KSR2: variants seen among roughly 807,000 people sequenced by gnomAD.
KSR2 encodes kinase suppressor of ras 2.
Under a neutral mutation model 107.8 loss-of-function variants are expected in KSR2, and 25 were observed. The observed-to-expected ratio is 0.23, with a 90% CI of 0.17 to 0.32. The LOEUF (loss-of-function observed/expected upper bound fraction) is 0.32, where lower values mean the gene tolerates loss of function less well. Ranked by LOEUF, KSR2 falls within the 10% of genes least tolerant of loss-of-function variation. The probability of loss-of-function intolerance (pLI) is 1.00; values close to 1 mark genes in which losing one functional copy is unlikely to be tolerated. For synonymous variants in KSR2, 480 were observed against 507.0 expected (o/e 0.95, Z 0.71); for missense variants, 887 against 1,268.9 (o/e 0.70, Z 4.57).
chr12:117,691,326 T>C (rs1446951070), intron 4 of KSR2, among the ~76,000 whole-genome samples: 2 of 152,184 alleles, frequency 1.3e-5, no homozygotes, highest in Non-Finnish European at 2.9e-5. Context: ...CCCAGTGTCT[T>C]ACTGCTGCAA....
chr12:117,643,303 C>T (rs1388587101), intron 5 of KSR2, among the ~76,000 whole-genome samples: 4 of 151,998 alleles, frequency 2.6e-5, no homozygotes, highest in Middle Eastern at 6.3e-3. Flanking sequence ...AAAAATTAGC[C>T]GGGCATGGTG....
At chr12:117,566,746 T>C (rs577962564) in intron 7 of KSR2, among the ~76,000 whole-genome samples, 1 of 152,298 alleles carries the variant, frequency 6.6e-6, no homozygotes, top group Non-Finnish European at 1.5e-5. Flanking sequence ...TGCTAGGCAC[T>C]GGAGGTATAA....
chr12:117,799,418 C>A (rs1453363662), intron 3 of KSR2, among the ~76,000 whole-genome samples: 1 of 151,548 alleles, frequency 6.6e-6, no homozygotes, highest in Non-Finnish European at 1.5e-5. Flanking sequence ...TGGAGAATAG[C>A]TTGAACCGGG....
intron 4 of KSR2, among the ~76,000 whole-genome samples, chr12:117,735,054 A>G (rs1267972605): frequency 1.3e-5 from 2 of 152,034 alleles, no homozygotes; most frequent in African/African-American, 2.4e-5. Flanking sequence ...TGCCTTCCTC[A>G]GTGTGACTGC....
chr12:117,558,052 G>T (rs549683687), intron 8 of KSR2, among the ~76,000 whole-genome samples: 24 of 152,212 alleles, frequency 1.6e-4, no homozygotes, highest in African/African-American at 5.5e-4. Context: ...CCAGGAGATG[G>T]GACACAAATG....
intron 5 of KSR2, among the ~76,000 whole-genome samples, chr12:117,584,792 T>C (rs374480863): frequency 1.4e-4 from 21 of 152,362 alleles, no homozygotes; most frequent in African/African-American, 4.3e-4. Context: ...CTATGCATTT[T>C]ATACCTGGAA....
intron 1 of KSR2, among the ~76,000 whole-genome samples, chr12:117,882,782 C>T (rs1894065858): frequency 6.6e-6 from 1 of 151,902 alleles, no homozygotes; most frequent in Non-Finnish European, 1.5e-5. Context: ...TCCATCTGTT[C>T]ATTTATTCAT....
intron 3 of KSR2, among the ~76,000 whole-genome samples, chr12:117,793,466 C>A (rs1202177024): frequency 1.3e-5 from 2 of 150,338 alleles, no homozygotes; most frequent in South Asian, 2.2e-4. Flanking sequence ...TGCACACATA[C>A]ACCAACATGC....
At chr12:117,901,447 C>G (rs544982037) in intron 1 of KSR2, among the ~76,000 whole-genome samples, 9 of 151,742 alleles carry the variant, frequency 5.9e-5, no homozygotes, top group African/African-American at 2.2e-4. Context: ...GGACTACAGA[C>G]GCCTGCCACC....
intron 1 of KSR2, among the ~76,000 whole-genome samples, chr12:117,947,844 T>C (rs1896245468): frequency 6.6e-6 from 1 of 152,008 alleles, no homozygotes; most frequent in Admixed American, 6.6e-5. Context: ...TGCTGAAAAC[T>C]ACAAAATGCT....
chr12:117,781,604 T>C (rs562512842), intron 3 of KSR2, among the ~76,000 whole-genome samples: 1 of 152,210 alleles, frequency 6.6e-6, no homozygotes, highest in African/African-American at 2.4e-5. Flanking sequence ...AGTTGTAAAC[T>C]TGTCTGTGTC....
chr12:117,915,585 C>A (rs1007897126), intron 1 of KSR2, among the ~76,000 whole-genome samples: 2 of 152,152 alleles, frequency 1.3e-5, no homozygotes, highest in African/African-American at 4.8e-5. Flanking sequence ...AGATGGGGCC[C>A]CAGCCATCAG....
At chr12:117,649,131 C>G (rs1436288690) in intron 5 of KSR2, among the ~76,000 whole-genome samples, 1 of 152,144 alleles carries the variant, frequency 6.6e-6, no homozygotes, top group Admixed American at 6.5e-5. Flanking sequence ...GAAACCAAGG[C>G]TCTGAAATGT....
At chr12:117,802,812 G>A (rs570835961) in intron 3 of KSR2, among the ~76,000 whole-genome samples, 3 of 152,304 alleles carry the variant, frequency 2.0e-5, no homozygotes, top group African/African-American at 7.2e-5. Flanking sequence ...GCTCAGGAGA[G>A]AGCGACATAT....
At chr12:117,537,236 A>ACTT (rs1308709009) in intron 10 of KSR2, among the ~76,000 whole-genome samples, 1 of 152,116 alleles carries the variant, frequency 6.6e-6, no homozygotes, top group Admixed American at 6.5e-5. Flanking sequence ...CAACAAAAAA[A>ACTT]CTTTAACAGA....
Position 117,622,192 on chromosome 12 carries a change from T to A in KSR2, c.1172-39833A>T, listed in dbSNP as rs148028716. Among the ~76,000 whole-genome samples, 216 of 150,930 alleles carry A rather than the reference T, an allele frequency of 1.4e-3. 1 individual carries two copies. Among genetic ancestry groups the A allele is most frequent in the African/African-American group, 5.0e-3 (208 of 41,204 alleles). On this transcript the variant is annotated intron_variant, in intron 5 of 19. Transcript: ENST00000339824. ...TCTACATCTCTCTGCACTTCTATATTTTTTTTTTGTTTAAGTATGGTGGAA... is the reference window on the plus strand; with the variant it reads ...TCTACATCTCTCTGCACTTCTATATATTTTTTTTGTTTAAGTATGGTGGAA...
In KSR2 at chr12:117,485,726, G is replaced by A. The variant is rs192607215; in HGVS notation, c.2220-35C>T. ...AAAAGGACAAGATAAATTAATGGCA[G>A]TCGTTCAGAAGAAGGTGACCCACAA... On this transcript the variant is annotated intron_variant, in intron 14 of 19. Coordinates refer to ENST00000339824, the MANE Select transcript of KSR2 (RefSeq NM_173598.6). 134 of 1,467,242 alleles carry A rather than the reference G, an allele frequency of 9.1e-5. 1 individual carries two copies. In the East Asian group the frequency reaches 2.6e-3, roughly 29 times the overall value. The allele number at this position is 1,467,242 out of a possible 1,614,324, so 90.9% of individuals were successfully genotyped here.
intron 1 of KSR2, among the ~76,000 whole-genome samples, chr12:117,925,822 G>A (rs935208239): frequency 6.6e-6 from 1 of 152,164 alleles, no homozygotes; most frequent in Non-Finnish European, 1.5e-5. Flanking sequence ...GTGTGTGCTG[G>A]GGTAGGGGTT....
chr12:117,721,770 G>T (rs1205352724), intron 4 of KSR2, among the ~76,000 whole-genome samples: 1 of 152,240 alleles, frequency 6.6e-6, no homozygotes, highest in Non-Finnish European at 1.5e-5. Flanking sequence ...TTAAGTAGAT[G>T]TCTGCTGAAA....
Sources: gnomAD v4.1 joint callset for allele counts (sites outside exome capture counted in the v4.1 genomes callset) on GRCh38, gnomAD v4.1.1 for gene constraint, MANE v1.5 for transcripts, NCBI Gene and HGNC (gene_info 2026-07-23, HGNC 2026-07-21) for gene names.